CYP2J2: variants seen among roughly 807,000 people sequenced by gnomAD.
CYP2J2 encodes the protein cytochrome P450 family 2 subfamily J member 2, also known as cytochrome P450 2J2.
In CYP2J2, 41 loss-of-function variants were observed where a neutral mutation model predicts 48.8. The observed-to-expected ratio is 0.84, with a 90% confidence interval of 0.66 to 1.09. The LOEUF is 1.09. Among genes scored for constraint, CYP2J2 ranks in the 50% least tolerant of loss-of-function variants. The pLI is 0.00. For synonymous variants in CYP2J2, 221 were observed against 227.1 expected, an observed-to-expected ratio of 0.97 and a Z score of 0.24; for missense variants, 644 against 617.3, an observed-to-expected ratio of 1.04 and a Z score of -0.46.
the CYP2J2 span, among the ~76,000 whole-genome samples, chr1:59,946,971 A>G: frequency 3.0e-4 from 46 of 150,948 alleles, 2 homozygotes; most frequent in East Asian, 8.7e-3. Flanking sequence ...TGTAAAAAAA[A>G]AAACTAATTT....
chr1:59,941,437 T>A, the CYP2J2 span, among the ~76,000 whole-genome samples: 16 of 152,238 alleles, frequency 1.1e-4, no homozygotes, highest in African/African-American at 3.9e-4. Flanking sequence ...TTATGTACAG[T>A]ACATAATGCT....
At chr1:59,910,240 T>C (rs1644400270) in intron 4 of CYP2J2, among the ~76,000 whole-genome samples, 1 of 151,454 alleles carries the variant, frequency 6.6e-6, no homozygotes, top group African/African-American at 2.5e-5. Context: ...TGGTTGAGTG[T>C]TTGAAGGCAT....
intron 8 of CYP2J2, among the ~76,000 whole-genome samples, chr1:59,894,888 G>A (rs1159797327): frequency 6.6e-6 from 1 of 152,140 alleles, no homozygotes; most frequent in African/African-American, 2.4e-5. Flanking sequence ...TACTCAAACA[G>A]CTTTCTGTAT....
At chr1:59,947,074 A>T in the CYP2J2 span, among the ~76,000 whole-genome samples, 1 of 152,134 alleles carries the variant, frequency 6.6e-6, no homozygotes, top group African/African-American at 2.4e-5. Context: ...CAGGATTCAG[A>T]CTCATGCAGT....
chr1:59,966,463 TC>T, the CYP2J2 span, among the ~76,000 whole-genome samples: 1 of 152,204 alleles, frequency 6.6e-6, no homozygotes, highest in South Asian at 2.1e-4. Flanking sequence ...AAACTGAAAG[TC>T]ACGTAGATTA....
chr1:59,899,782 A>G (rs11572311), intron 8 of CYP2J2, among the ~76,000 whole-genome samples: 4,871 of 152,316 alleles, frequency 0.032, 137 homozygotes, highest in Admixed American at 0.087. Context: ...ACACTAGAAC[A>G]TATGCACCAT....
At chr1:59,898,713 T>G (rs1291237354) in intron 8 of CYP2J2, among the ~76,000 whole-genome samples, 2 of 152,222 alleles carry the variant, frequency 1.3e-5, no homozygotes, top group Non-Finnish European at 2.9e-5. Context: ...TGCAAATTCC[T>G]TGAGCATATG....
At chr1:59,912,578 AC>A in intron 2 of CYP2J2, 2 of 318,736 alleles carry the variant, frequency 6.3e-6, no homozygotes, top group Middle Eastern at 1.8e-3. Context: ...AATTATTACC[AC>A]CCCACACATT....
the CYP2J2 span, among the ~76,000 whole-genome samples, chr1:59,966,543 C>T: frequency 6.6e-6 from 1 of 152,168 alleles, no homozygotes; most frequent in Non-Finnish European, 1.5e-5. Flanking sequence ...GTTCTTTCCA[C>T]TTTATGACAC....
chr1:59,931,724 A>G (rs1644605108), upstream of CYP2J2, among the ~76,000 whole-genome samples: 1 of 152,162 alleles, frequency 6.6e-6, no homozygotes. Context: ...TATCCAAAAA[A>G]GTGAACTCTA....
the CYP2J2 span, among the ~76,000 whole-genome samples, chr1:59,933,214 G>A: frequency 2.0e-5 from 3 of 152,008 alleles, no homozygotes; most frequent in African/African-American, 4.8e-5. Flanking sequence ...CCTTAAACAA[G>A]TTTAATAAAA....
chr1:59,912,286 T>C lies in CYP2J2; in HGVS notation c.399A>G (p.Ala133=). 3.1e-6 allele frequency: 5 copies of C among 1,613,642 alleles called. No homozygotes were observed. Among genetic ancestry groups the C allele is most frequent in the Admixed American group, 1.7e-5 (1 of 59,970 alleles). Reference sequence around the variant, plus strand: ...GAGTGAACCTTCTTTGCTCCTTCCATGCCTGGCCACTTGACATAATCAATC... The same window carrying C: ...GAGTGAACCTTCTTTGCTCCTTCCACGCCTGGCCACTTGACATAATCAATC... ...KNGLIMSSGQ[A]WKEQRRFTLT... The change falls in exon 3 of 9, where the codon GCA becomes GCG. Residue 133 remains alanine, a synonymous_variant. Transcript: ENST00000371204.
At chr1:59,908,349 A>T (rs1270736755) in intron 5 of CYP2J2, among the ~76,000 whole-genome samples, 1 of 152,222 alleles carries the variant, frequency 6.6e-6, no homozygotes, top group Non-Finnish European at 1.5e-5. Context: ...ACCTCTTAAG[A>T]GGGCATTATG....
At position 59,922,980 on chromosome 1, in the gene CYP2J2, C is replaced by A. The variant is rs186147738; in HGVS notation, c.210+3557G>T. On this transcript the variant is annotated intron_variant, in intron 1 of 8. Coordinates refer to ENST00000371204, the MANE Select transcript of CYP2J2 (RefSeq NM_000775.4). ...TCTGCTGAGTCTGTGAGCTGAATTG[C>A]GACTTCTATTCCTAAGCTGAAGTAA... 9.2e-5 allele frequency among the ~76,000 whole-genome samples: 14 copies of A among 152,270 alleles called. No homozygotes were observed. In the East Asian group the frequency reaches 2.7e-3, roughly 29 times the overall value.
chr1:59,958,723 C>T, the CYP2J2 span, among the ~76,000 whole-genome samples: 1 of 152,128 alleles, frequency 6.6e-6, no homozygotes, highest in Non-Finnish European at 1.5e-5. Context: ...ATTCTCCATC[C>T]AACACCTTAA....
the CYP2J2 span, among the ~76,000 whole-genome samples, chr1:59,966,056 G>A: frequency 6.6e-6 from 1 of 152,150 alleles, no homozygotes; most frequent in Non-Finnish European, 1.5e-5. Flanking sequence ...GTGTGGCAGG[G>A]TTAATTTATT....
intron 8 of CYP2J2, among the ~76,000 whole-genome samples, chr1:59,894,430 G>A (rs1022821019): frequency 2.0e-5 from 3 of 152,068 alleles, no homozygotes; most frequent in Admixed American, 1.3e-4. Context: ...CATTTCTTCT[G>A]AAGTGTGGCC....
chr1:59,925,221 T>C (rs936803435), intron 1 of CYP2J2, among the ~76,000 whole-genome samples: 1 of 152,156 alleles, frequency 6.6e-6, no homozygotes, highest in Non-Finnish European at 1.5e-5. Context: ...CATTCTTCTT[T>C]CAGTAATTGA....
the CYP2J2 span, among the ~76,000 whole-genome samples, chr1:59,946,844 A>G: frequency 5.3e-5 from 8 of 152,224 alleles, no homozygotes; most frequent in Admixed American, 1.3e-4. Flanking sequence ...AAATTATAAT[A>G]CCTAATGCAT....
Sources: gnomAD v4.1 joint callset for allele counts (sites outside exome capture counted in the v4.1 genomes callset) on GRCh38, gnomAD v4.1.1 for gene constraint, MANE v1.5 for transcripts, NCBI Gene and HGNC (gene_info 2026-07-23, HGNC 2026-07-21) for gene names.